The following RPS6KC1 variants were observed in gnomAD, a reference collection of about 807,000 sequenced individuals.
RPS6KC1 encodes inactive ribosomal protein S6 kinase delta-1.
In RPS6KC1, 54 loss-of-function variants were observed where a neutral mutation model predicts 103.8. That is an observed-to-expected ratio of 0.52 (90% CI 0.42 to 0.65). The LOEUF is 0.65. Among genes scored for constraint, RPS6KC1 ranks in the 30% least tolerant of loss-of-function variants. RPS6KC1 has a pLI of 0.00. For synonymous variants in RPS6KC1, 439 were observed against 438.7 expected (o/e 1.00, Z -0.01); for missense variants, 1,151 against 1,253.8 (o/e 0.92, Z 1.24).
intron 4 of RPS6KC1, among the ~76,000 whole-genome samples, chr1:213,115,568 A>T (rs2148875316): frequency 6.6e-6 from 1 of 151,700 alleles, no homozygotes; most frequent in East Asian, 1.9e-4. Context: ...TTCTGCTCTG[A>T]TTTTAGTTAT....
the RPS6KC1 span, among the ~76,000 whole-genome samples, chr1:213,719,873 C>G: frequency 2.1e-4 from 32 of 152,124 alleles, no homozygotes; most frequent in African/African-American, 7.5e-4. Context: ...ATTAGCTAGA[C>G]CAGATATTTG....
At chr1:213,720,208 C>G in the RPS6KC1 span, among the ~76,000 whole-genome samples, 5 of 152,186 alleles carry the variant, frequency 3.3e-5, no homozygotes, top group Non-Finnish European at 7.3e-5. Flanking sequence ...TGGTGAGAGA[C>G]TACCAAGGAG....
At chr1:213,205,682 G>A (rs532893894) in intron 8 of RPS6KC1, among the ~76,000 whole-genome samples, 2 of 150,358 alleles carry the variant, frequency 1.3e-5, no homozygotes, top group African/African-American at 4.9e-5. Flanking sequence ...TTGAAAATAA[G>A]ATGCAACCAT....
intron 8 of RPS6KC1, among the ~76,000 whole-genome samples, chr1:213,200,889 T>A (rs370635314): frequency 4.6e-5 from 7 of 152,296 alleles, no homozygotes; most frequent in African/African-American, 1.4e-4. Context: ...ACATACCGCA[T>A]GTTCCTACTT....
the RPS6KC1 span, among the ~76,000 whole-genome samples, chr1:213,399,210 C>T: frequency 6.6e-6 from 1 of 152,320 alleles, no homozygotes; most frequent in South Asian, 2.1e-4. Flanking sequence ...AAGATATAGT[C>T]CCTGCCTTCC....
chr1:213,206,407 A>G (rs2093350961), intron 8 of RPS6KC1, among the ~76,000 whole-genome samples: 1 of 152,228 alleles, frequency 6.6e-6, no homozygotes, highest in African/African-American at 2.4e-5. Context: ...GCCCTGGGGC[A>G]GGCACTGTGT....
chr1:213,299,120 C>G, the RPS6KC1 span, among the ~76,000 whole-genome samples: 1 of 152,212 alleles, frequency 6.6e-6, no homozygotes, highest in Non-Finnish European at 1.5e-5. Flanking sequence ...GACTTCTAAT[C>G]TGATGATTCA....
the RPS6KC1 span, among the ~76,000 whole-genome samples, chr1:213,523,653 A>G: frequency 6.6e-6 from 1 of 152,196 alleles, no homozygotes; most frequent in Non-Finnish European, 1.5e-5. Flanking sequence ...TATGACCATT[A>G]TTTTTTATTA....
At chr1:213,755,411 A>G in the RPS6KC1 span, among the ~76,000 whole-genome samples, 1 of 152,348 alleles carries the variant, frequency 6.6e-6, no homozygotes, top group Non-Finnish European at 1.5e-5. Context: ...CCTGCCTCCC[A>G]TTGGTCAAAT....
chr1:213,380,516 A>T, the RPS6KC1 span, among the ~76,000 whole-genome samples: 1 of 152,062 alleles, frequency 6.6e-6, no homozygotes, highest in South Asian at 2.1e-4. Flanking sequence ...AAATTTGCTA[A>T]AATAGTAAAT....
chr1:213,407,771 G>A, the RPS6KC1 span, among the ~76,000 whole-genome samples: 1 of 152,104 alleles, frequency 6.6e-6, no homozygotes, highest in African/African-American at 2.4e-5. Context: ...CCTTCTAGAT[G>A]AGTAAAAGGT....
chr1:213,528,710 C>T, the RPS6KC1 span, among the ~76,000 whole-genome samples: 5 of 152,206 alleles, frequency 3.3e-5, no homozygotes, highest in East Asian at 1.9e-4. Flanking sequence ...CAGATCCTGC[C>T]AGCCCTGACT....
Position 213,157,177 on chromosome 1 carries a change from C to T in RPS6KC1, c.836-10681C>T, listed in dbSNP as rs144916170. Among the ~76,000 whole-genome samples, 3 of 150,418 alleles carry T rather than the reference C, an allele frequency of 2.0e-5. No individual in the cohort carries two copies. In the East Asian group the frequency reaches 5.8e-4, roughly 29 times the overall value. ...TTCATGTATTTTTAAGATATGCATT[C>T]TTTAGTTTTCAAATATATGTGAATT... On this transcript the variant is annotated intron_variant, in intron 6 of 14. Transcript: ENST00000366960.
chr1:213,846,774 G>A, the RPS6KC1 span, among the ~76,000 whole-genome samples: 14 of 151,994 alleles, frequency 9.2e-5, no homozygotes, highest in Non-Finnish European at 1.0e-4. Flanking sequence ...TCTTTCAATC[G>A]TCTCAATAAT....
chr1:213,597,581 A>C, the RPS6KC1 span, among the ~76,000 whole-genome samples: 1 of 152,212 alleles, frequency 6.6e-6, no homozygotes, highest in Admixed American at 6.5e-5. Flanking sequence ...TCCATGGCAG[A>C]TATTCCTTGG....
At chr1:213,236,048 G>A (rs1224618158) in intron 10 of RPS6KC1, among the ~76,000 whole-genome samples, 1 of 152,194 alleles carries the variant, frequency 6.6e-6, no homozygotes, top group Non-Finnish European at 1.5e-5. Flanking sequence ...CAGATCAGCA[G>A]TGGCATTAGA....
the RPS6KC1 span, among the ~76,000 whole-genome samples, chr1:213,572,726 G>T: frequency 7.9e-5 from 12 of 152,316 alleles, no homozygotes; most frequent in South Asian, 2.5e-3. Flanking sequence ...TGGGGCCGTT[G>T]TGACAGGAGA....
chr1:213,170,933 A>G (rs892925106), intron 7 of RPS6KC1, among the ~76,000 whole-genome samples: 2 of 152,184 alleles, frequency 1.3e-5, no homozygotes, highest in African/African-American at 4.8e-5. Flanking sequence ...ATTTGGTGCA[A>G]AGCAGATATT....
chr1:213,621,092 C>T, the RPS6KC1 span, among the ~76,000 whole-genome samples: 1 of 152,180 alleles, frequency 6.6e-6, no homozygotes, highest in Non-Finnish European at 1.5e-5. Context: ...AGATTAAATG[C>T]ATTTCAGATA....
Sources: allele counts gnomAD v4.1 joint callset (sites outside exome capture counted in the v4.1 genomes callset), GRCh38; gene constraint gnomAD v4.1.1; transcripts MANE v1.5; gene names NCBI Gene and HGNC (gene_info 2026-07-23, HGNC 2026-07-21).